OXNAD1: variants seen among roughly 807,000 people sequenced by gnomAD.
OXNAD1 encodes oxidoreductase NAD binding domain containing 1.
In OXNAD1, 34 loss-of-function variants were observed where a neutral mutation model predicts 32.9. That is an observed-to-expected ratio of 1.03 (90% CI 0.79 to 1.38). The LOEUF (loss-of-function observed/expected upper bound fraction) is 1.38, where lower values mean the gene tolerates loss of function less well. Ranked by LOEUF, OXNAD1 falls within the 40% of genes most tolerant of loss-of-function variation. OXNAD1 has a pLI of 0.00. For missense variants in OXNAD1, 407 were observed against 379.4 expected (o/e 1.07, Z -0.60); for synonymous variants, 134 against 135.2 (o/e 0.99, Z 0.06).
At chr3:16,340,153 G>A (rs1470518073), downstream of OXNAD1, among the ~76,000 whole-genome samples, 11 of 152,294 alleles carry the variant, frequency 7.2e-5, no homozygotes, top group East Asian at 1.9e-4. Flanking sequence ...CCATTGCCAC[G>A]CATTACAGAG....
At chr3:16,309,137 C>T (rs1055744997), downstream of OXNAD1, among the ~76,000 whole-genome samples, 3 of 152,126 alleles carry the variant, frequency 2.0e-5, no homozygotes, top group Non-Finnish European at 4.4e-5. Context: ...AACTATGTCT[C>T]TCTTTCTTTT....
rs1270863211 is a variant in OXNAD1, at chr3:16,345,820, G to A, written c.*31-3356G>A. Among the ~76,000 whole-genome samples the A allele has an allele frequency of 2.1e-4, 12 of 56,884 alleles. No individual in the cohort carries two copies. The highest frequency in any genetic ancestry group is 7.8e-4 in the South Asian group (1 of 1,288). 37.3% of individuals were successfully genotyped at this position (56,884 alleles called of 152,430 possible). A position where few individuals can be genotyped will look rare whatever the true frequency, so the allele number is the denominator to read the frequency against. On this transcript the variant is annotated intron_variant, in intron 9 of 9. Transcript: ENST00000606098. This position sits in a 1 kb window ranked among gnomAD's most constrained non-coding sequence, Gnocchi z 5.2. ...TGTGTGTGTGTGTGTGTGTGTGTGC[G>A]CGCGCGCGTGCGCGCACGCGCACAT...
rs963293571 is a variant in OXNAD1 at position 16,280,863 on chromosome 3, G to A, written c.184-5479G>A. On this transcript the variant is annotated intron_variant, in intron 4 of 8. Transcript: ENST00000285083. The surrounding 1 kb of genome is among the most constrained non-coding windows in gnomAD (Gnocchi z 4.5). The stretch of plus-strand genomic sequence containing the variant: ...GTGTACTGGTAAAGTTGGCAAATGT[G>A]TTGTTATTTTACTGAACACTGGAAA... Among the ~76,000 whole-genome samples, 2 of 152,170 alleles carry A rather than the reference G, an allele frequency of 1.3e-5. No homozygotes were observed. Among genetic ancestry groups the A allele is most frequent in the African/African-American group, 4.8e-5 (2 of 41,432 alleles).
In OXNAD1 at chr3:16,335,248, G is replaced by A. The variant is rs371439097; in HGVS notation, c.*31-1864G>A. Among the ~76,000 whole-genome samples, 10 of 152,308 alleles carry A rather than the reference G, an allele frequency of 6.6e-5. 1 individual carries two copies. The highest frequency in any genetic ancestry group is 1.9e-4 in the East Asian group (1 of 5,170). On this transcript the variant is annotated intron_variant, in intron 9 of 9. Transcript: ENST00000435829. The surrounding 1 kb of genome is among the most constrained non-coding windows in gnomAD (Gnocchi z 4.7). Reference sequence around the variant, plus strand: ...AGGTGCTGACAGATGCAGGGTAGGTGAAAACTCCTGGAGGGATGAGGCTGG... The same window carrying A: ...AGGTGCTGACAGATGCAGGGTAGGTAAAAACTCCTGGAGGGATGAGGCTGG...
intron 5 of OXNAD1, among the ~76,000 whole-genome samples, chr3:16,291,302 A>G (rs959136125): frequency 1.3e-5 from 2 of 152,232 alleles, no homozygotes; most frequent in Non-Finnish European, 2.9e-5. Context: ...TCAAACATTT[A>G]AAGTGTACAA....
At chr3:16,285,457 A>G (rs552622055) in intron 4 of OXNAD1, among the ~76,000 whole-genome samples, 1 of 152,350 alleles carries the variant, frequency 6.6e-6, no homozygotes, top group African/African-American at 2.4e-5. Context: ...GAGGAAGGAA[A>G]GAGTCATGTT....
intron 4 of OXNAD1, among the ~76,000 whole-genome samples, chr3:16,283,641 G>A (rs2065894750): frequency 6.6e-6 from 1 of 152,188 alleles, no homozygotes. Context: ...GTAATGATGA[G>A]TTGTCAGCAG....
In OXNAD1 at chr3:16,302,550, A is replaced by G. The variant is rs2067261168; in HGVS notation, c.676-90A>G. On this transcript the variant is annotated intron_variant, in intron 7 of 8. Transcript: ENST00000285083. The surrounding 1 kb of genome is among the most constrained non-coding windows in gnomAD (Gnocchi z 4.2). ...GAGCGAGAGCGGCAGACGTGTGCAG[A>G]ATGGGAGTTGAGGTTCAGCGTCAAT... 2.4e-6 allele frequency: 2 copies of G among 828,324 alleles called. No homozygotes were observed. The highest frequency in any genetic ancestry group is 4.0e-6 in the Non-Finnish European group (2 of 502,398). 51.3% of individuals were successfully genotyped at this position (828,324 alleles called of 1,614,324 possible). A position where few individuals can be genotyped will look rare whatever the true frequency, so the allele number is the denominator to read the frequency against.
chr3:16,292,847 T>A (rs1170612845), intron 5 of OXNAD1, among the ~76,000 whole-genome samples: 1 of 152,248 alleles, frequency 6.6e-6, no homozygotes, highest in Non-Finnish European at 1.5e-5. Flanking sequence ...TAAGGCTTTA[T>A]TTCTGGACAT....
chr3:16,328,247 T>C (rs2069931316), intron 9 of OXNAD1, among the ~76,000 whole-genome samples: 1 of 152,116 alleles, frequency 6.6e-6, no homozygotes. Flanking sequence ...GGGCAAAAAT[T>C]AGAAGGCAAA....
At chr3:16,342,021 A>T (rs2071349847), downstream of OXNAD1, among the ~76,000 whole-genome samples, 4 of 152,180 alleles carry the variant, frequency 2.6e-5, no homozygotes, top group Admixed American at 1.3e-4. The surrounding 1 kb of genome is among the most constrained non-coding windows in gnomAD (Gnocchi z 4.0). Flanking sequence ...ACCACTTGTC[A>T]CTTTTTTCAA....
chr3:16,335,239 A>G lies in OXNAD1; in HGVS notation c.*31-1873A>G, dbSNP rs746640636. Among the ~76,000 whole-genome samples, 1 of 152,204 alleles carries G rather than the reference A, an allele frequency of 6.6e-6. No homozygotes were observed. The highest frequency in any genetic ancestry group is 1.5e-5 in the Non-Finnish European group (1 of 68,030). ...AACACTTGGAGGTGCTGACAGATGCAGGGTAGGTGAAAACTCCTGGAGGGA... is the reference window on the plus strand; with the variant it reads ...AACACTTGGAGGTGCTGACAGATGCGGGGTAGGTGAAAACTCCTGGAGGGA... On this transcript the variant is annotated intron_variant, in intron 9 of 9. Transcript: ENST00000435829. The surrounding 1 kb of genome is among the most constrained non-coding windows in gnomAD (Gnocchi z 4.7).
chr3:16,271,151 C>T lies in OXNAD1; in HGVS notation c.119+80C>T. 1.3e-6 allele frequency: 2 copies of T among 1,505,666 alleles called. No individual in the cohort carries two copies. Among genetic ancestry groups the T allele is most frequent in the South Asian group, 2.4e-5 (2 of 82,676 alleles). 93.3% of individuals were successfully genotyped at this position (1,505,666 alleles called of 1,614,324 possible). ...CTGCTGATGGTTGTGGGAGGCATATCAAACTCCCGGAAAGGTAACACCTTA... is the reference window on the plus strand; with the variant it reads ...CTGCTGATGGTTGTGGGAGGCATATTAAACTCCCGGAAAGGTAACACCTTA... On this transcript the variant is annotated intron_variant, in intron 3 of 8. Coordinates refer to ENST00000285083, the MANE Select transcript of OXNAD1 (RefSeq NM_138381.5). The surrounding 1 kb of genome is among the most constrained non-coding windows in gnomAD (Gnocchi z 4.6).
rs2071375195 is a variant in OXNAD1, at chr3:16,342,382, A to G, written c.*31-6794A>G. ...ATATATCAGTAGTTTATTCCTTTTT[A>G]TTGCAAAATAATATTCCATCATATG... On this transcript the variant is annotated intron_variant, in intron 9 of 9. Coordinates refer to the OXNAD1 transcript ENST00000606098. The surrounding 1 kb of genome is among the most constrained non-coding windows in gnomAD (Gnocchi z 4.0). 1.3e-5 allele frequency among the ~76,000 whole-genome samples: 2 copies of G among 152,192 alleles called. No individual in the cohort carries two copies. Among genetic ancestry groups the G allele is most frequent in the South Asian group, 4.1e-4 (2 of 4,832 alleles).
downstream of OXNAD1, among the ~76,000 whole-genome samples, chr3:16,308,981 A>ATAGAT (rs778873218): frequency 6.6e-6 from 1 of 152,224 alleles, no homozygotes; most frequent in Non-Finnish European, 1.5e-5. The surrounding 1 kb of genome is among the most constrained non-coding windows in gnomAD (Gnocchi z 4.4). Flanking sequence ...ATAAAATTAT[A>ATAGAT]TAGATTAAAA....
At position 16,269,180 on chromosome 3, in the gene OXNAD1, A is replaced by G; in HGVS notation, c.-104A>G. 6.6e-7 allele frequency: 1 copy of G among 1,522,770 alleles called. No individual in the cohort carries two copies. Among genetic ancestry groups the G allele is most frequent in the Non-Finnish European group, 8.8e-7 (1 of 1,142,746 alleles). 94.3% of individuals were successfully genotyped at this position (1,522,770 alleles called of 1,614,324 possible). A position where few individuals can be genotyped will look rare whatever the true frequency, so the allele number is the denominator to read the frequency against. ...AAGCTGTCCATGTTCCAACTGCTGT[A>G]CATCCAAAAGTCTCAGTGTAATAGC... On this transcript the variant is annotated 5_prime_UTR_variant, in exon 2 of 9. Transcript: ENST00000285083.
At chr3:16,307,294 G>T (rs2125113237), downstream of OXNAD1, among the ~76,000 whole-genome samples, 1 of 152,288 alleles carries the variant, frequency 6.6e-6, no homozygotes, top group Admixed American at 6.5e-5. Context: ...TGCTGTGTCA[G>T]TGGTTCACAC....
At chr3:16,315,340 T>A (rs968429194) in intron 9 of OXNAD1, among the ~76,000 whole-genome samples, 2 of 152,192 alleles carry the variant, frequency 1.3e-5, no homozygotes, top group African/African-American at 4.8e-5. Context: ...GGTCTCGAAC[T>A]CCTGACCTCA....
In OXNAD1 at chr3:16,314,705, C is replaced by T. The variant is rs2068213928; in HGVS notation, c.*30+11113C>T. On this transcript the variant is annotated intron_variant, in intron 9 of 9. Coordinates refer to the OXNAD1 transcript ENST00000435829. The surrounding 1 kb of genome is among the most constrained non-coding windows in gnomAD (Gnocchi z 4.4). ...CTTGAGGAATTCAAATTATTGTCAC[C>T]TTTTTTTCCCCATAGCAAATACAGC... 6.6e-6 allele frequency: 1 copy of T among 152,126 alleles called. No homozygotes were observed. The highest frequency in any genetic ancestry group is 2.4e-5 in the African/African-American group (1 of 41,410). 9.4% of individuals were successfully genotyped at this position (152,126 alleles called of 1,614,324 possible).
Sources: gnomAD v4.1 joint callset for allele counts (sites outside exome capture counted in the v4.1 genomes callset) on GRCh38, gnomAD v4.1.1 for gene constraint, Gnocchi (gnomAD v3.1) non-coding constraint, MANE v1.5 for transcripts, NCBI Gene and HGNC (gene_info 2026-07-23, HGNC 2026-07-21) for gene names.